CNTNAP5: variants seen among roughly 807,000 people sequenced by gnomAD.
The protein encoded by CNTNAP5 is contactin-associated protein-like 5.
Under a neutral mutation model 150.2 loss-of-function variants are expected in CNTNAP5, and 72 were observed. That is an observed-to-expected ratio of 0.48 (90% CI 0.40 to 0.58). The LOEUF (loss-of-function observed/expected upper bound fraction) is 0.58, where lower values mean the gene tolerates loss of function less well. CNTNAP5 is among the 20% of genes least tolerant of loss of function. The pLI is 0.00. For synonymous variants in CNTNAP5, 672 were observed against 619.8 expected, an observed-to-expected ratio of 1.08 and a Z score of -1.25; for missense variants, 1,636 against 1,626.2, an observed-to-expected ratio of 1.01 and a Z score of -0.10.
intron 19 of CNTNAP5, among the ~76,000 whole-genome samples, chr2:124,813,201 C>T (rs1012813379): frequency 6.6e-6 from 1 of 151,852 alleles, no homozygotes; most frequent in Admixed American, 6.6e-5. Context: ...CTCAGCCTCC[C>T]GAGTAGCTGG....
intron 6 of CNTNAP5, among the ~76,000 whole-genome samples, chr2:124,465,272 T>TA (rs1693351100): frequency 6.6e-6 from 1 of 152,186 alleles, no homozygotes; most frequent in Non-Finnish European, 1.5e-5. Flanking sequence ...GTGACAACAG[T>TA]AAATCCAGCA....
chr2:124,610,934 G>A (rs578166572), intron 12 of CNTNAP5, among the ~76,000 whole-genome samples: 9 of 133,516 alleles, frequency 6.7e-5, no homozygotes, highest in African/African-American at 1.6e-4. Context: ...TCCAGCCTGC[G>A]ACAGGGCGAG....
intron 3 of CNTNAP5, among the ~76,000 whole-genome samples, chr2:124,299,074 A>T (rs1311803732): frequency 1.3e-5 from 2 of 152,316 alleles, no homozygotes. Flanking sequence ...AAAGGAAAGA[A>T]AAGGGAAACA....
intron 6 of CNTNAP5, among the ~76,000 whole-genome samples, chr2:124,448,192 T>C (rs1692871687): frequency 6.6e-6 from 1 of 151,826 alleles, no homozygotes; most frequent in African/African-American, 2.4e-5. Flanking sequence ...TGCTTGAACC[T>C]GGGAGGTGGT....
At chr2:124,868,967 A>T (rs567850923) in intron 20 of CNTNAP5, among the ~76,000 whole-genome samples, 1 of 152,266 alleles carries the variant, frequency 6.6e-6, no homozygotes, top group East Asian at 1.9e-4. Context: ...CTCCCTAGGA[A>T]TGGGAAGGGG....
intron 3 of CNTNAP5, among the ~76,000 whole-genome samples, chr2:124,264,472 A>G (rs1687552201): frequency 6.6e-6 from 1 of 151,804 alleles, no homozygotes; most frequent in Non-Finnish European, 1.5e-5. Context: ...GTTCAAAGAC[A>G]CCAGAACTCG....
At chr2:124,589,825 C>A (rs1317459518) in intron 11 of CNTNAP5, among the ~76,000 whole-genome samples, 1 of 152,180 alleles carries the variant, frequency 6.6e-6, no homozygotes, top group Non-Finnish European at 1.5e-5. Context: ...CTGCCATAAT[C>A]AAGAAGCAGA....
At chr2:124,542,565 C>T (rs1350787933) in intron 10 of CNTNAP5, among the ~76,000 whole-genome samples, 2 of 152,000 alleles carry the variant, frequency 1.3e-5, no homozygotes, top group Admixed American at 6.6e-5. Context: ...CTGGAGCTCC[C>T]TTCCCAGTTT....
intron 12 of CNTNAP5, among the ~76,000 whole-genome samples, chr2:124,634,554 G>C (rs1677933401): frequency 6.6e-6 from 1 of 152,078 alleles, no homozygotes; most frequent in South Asian, 2.1e-4. Context: ...TGTCACCTAG[G>C]CTGGAGTGCA....
chr2:124,307,149 C>T (rs1238149646), intron 3 of CNTNAP5, among the ~76,000 whole-genome samples: 2 of 152,098 alleles, frequency 1.3e-5, no homozygotes, highest in Non-Finnish European at 2.9e-5. Context: ...GACTCTGGAG[C>T]CTGGAAGTCC....
At chr2:124,776,032 G>A (rs911050513) in intron 17 of CNTNAP5, among the ~76,000 whole-genome samples, 1 of 152,126 alleles carries the variant, frequency 6.6e-6, no homozygotes, top group African/African-American at 2.4e-5. Flanking sequence ...GAATGAAAAT[G>A]AAGAGACTGT....
At chr2:124,080,872 A>C (rs1284484591) in intron 1 of CNTNAP5, among the ~76,000 whole-genome samples, 4 of 152,210 alleles carry the variant, frequency 2.6e-5, no homozygotes, top group African/African-American at 9.6e-5. Flanking sequence ...TCAGGAGAAG[A>C]TCAAGAGAAT....
At chr2:124,830,644 A>T (rs1224695986) in intron 19 of CNTNAP5, among the ~76,000 whole-genome samples, 1 of 152,046 alleles carries the variant, frequency 6.6e-6, no homozygotes, top group Non-Finnish European at 1.5e-5. Flanking sequence ...TCCTGGTTAC[A>T]TTGAACAATT....
At chr2:124,543,258 C>T (rs1373802499) in intron 10 of CNTNAP5, among the ~76,000 whole-genome samples, 1 of 152,030 alleles carries the variant, frequency 6.6e-6, no homozygotes, top group African/African-American at 2.4e-5. Flanking sequence ...CTATAAATAA[C>T]ACAGTGGAAG....
At chr2:124,239,523 T>A (rs1686833802) in intron 2 of CNTNAP5, among the ~76,000 whole-genome samples, 1 of 152,048 alleles carries the variant, frequency 6.6e-6, no homozygotes, top group Non-Finnish European at 1.5e-5. Context: ...CACATATGAG[T>A]AATAAAATTC....
chr2:124,136,228 G>A (rs899152199), intron 1 of CNTNAP5, among the ~76,000 whole-genome samples: 1 of 152,144 alleles, frequency 6.6e-6, no homozygotes, highest in East Asian at 1.9e-4. Flanking sequence ...ATCAGAGAAA[G>A]CTTGAGAAAT....
chr2:124,030,772 A>T (rs1681026698), intron 1 of CNTNAP5, among the ~76,000 whole-genome samples: 2 of 152,170 alleles, frequency 1.3e-5, no homozygotes, highest in Non-Finnish European at 2.9e-5. Flanking sequence ...GCTTTGATTT[A>T]AAAAGTTGAT....
At chr2:124,422,630 A>G (rs1248193059) in intron 4 of CNTNAP5, among the ~76,000 whole-genome samples, 1 of 152,224 alleles carries the variant, frequency 6.6e-6, no homozygotes, top group Non-Finnish European at 1.5e-5. Flanking sequence ...TGAATCTTCT[A>G]ATACCCAGAT....
intron 19 of CNTNAP5, among the ~76,000 whole-genome samples, chr2:124,825,109 G>T (rs1167216837): frequency 6.6e-6 from 1 of 152,116 alleles, no homozygotes; most frequent in East Asian, 1.9e-4. Flanking sequence ...GATAAATTGA[G>T]ATAACTATTT....
Sources: allele counts gnomAD v4.1 joint callset (sites outside exome capture counted in the v4.1 genomes callset), GRCh38; gene constraint gnomAD v4.1.1; transcripts MANE v1.5; gene names NCBI Gene and HGNC (gene_info 2026-07-23, HGNC 2026-07-21).